The following FRAS1 variants were observed in gnomAD, a reference collection of about 807,000 sequenced individuals.
FRAS1 encodes the protein extracellular matrix organizing protein FRAS1.
In FRAS1, 290 loss-of-function variants were observed where a neutral mutation model predicts 435.2. That is an observed-to-expected ratio of 0.67 (90% CI 0.61 to 0.73). FRAS1 has a LOEUF of 0.73. Ranked by LOEUF, FRAS1 falls within the 30% of genes least tolerant of loss-of-function variation. The probability of loss-of-function intolerance (pLI) is 0.00; values close to 1 mark genes in which losing one functional copy is unlikely to be tolerated. For missense variants in FRAS1, 4,860 were observed against 5,001.5 expected (o/e 0.97, Z 0.85); for synonymous variants, 1,800 against 1,851.0 (o/e 0.97, Z 0.71).
At chr4:78,249,043 C>CTGATATATATATATATATATATATATA (rs1352031337) in intron 4 of FRAS1, among the ~76,000 whole-genome samples, 1 of 19,860 alleles carries the variant, frequency 5.0e-5, no homozygotes, top group African/African-American at 1.1e-4. Flanking sequence ...GTATGAAGAA[C>CTGATATATATATATATATATATATATA]TACTGATATA....
intron 33 of FRAS1, among the ~76,000 whole-genome samples, chr4:78,420,373 T>C (rs540199156): frequency 1.3e-5 from 2 of 149,536 alleles, no homozygotes; most frequent in Middle Eastern, 6.9e-3. Context: ...CTGGGCTGTC[T>C]TCTGGAGAAT....
intron 15 of FRAS1, among the ~76,000 whole-genome samples, chr4:78,310,890 A>C (rs1456839561): frequency 6.6e-6 from 1 of 152,224 alleles, no homozygotes; most frequent in African/African-American, 2.4e-5. Flanking sequence ...TATCTGTAGA[A>C]ATCTCAAAGT....
intron 2 of FRAS1, among the ~76,000 whole-genome samples, chr4:78,214,257 T>C (rs759099896): frequency 1.3e-5 from 2 of 152,260 alleles, no homozygotes; most frequent in Non-Finnish European, 2.9e-5. Context: ...TAAATCTTCT[T>C]GCTTAACTTG....
chr4:78,356,448 A>G (rs896030236), intron 20 of FRAS1, among the ~76,000 whole-genome samples: 3 of 152,138 alleles, frequency 2.0e-5, no homozygotes, highest in Admixed American at 1.3e-4. Flanking sequence ...AGAACTGACC[A>G]TGAGTGAAAA....
chr4:78,450,215 G>A lies in FRAS1; in HGVS notation c.6339G>A (p.Gln2113=). Residue 2113 remains glutamine (Q), a synonymous_variant, in exon 45 of 74, where the codon CAG becomes CAA. Coordinates refer to ENST00000512123, the MANE Select transcript of FRAS1 (RefSeq NM_025074.7). ...CAGATATTGACTCAGATGACCATCA[G>A]GTTATGTACATCATGAAGGAAGATC... ...KVTDIDSDDH[Q]VMYIMKEDPG... 1.2e-6 allele frequency: 2 copies of A among 1,613,702 alleles called. No individual in the cohort carries two copies. Among genetic ancestry groups the A allele is most frequent in the Non-Finnish European group, 1.7e-6 (2 of 1,179,684 alleles).
At chr4:78,371,083 G>GGTTTT (rs1456015210) in intron 23 of FRAS1, among the ~76,000 whole-genome samples, 1,535 of 126,906 alleles carry the variant, frequency 0.012, 25 homozygotes, top group East Asian at 0.034. Flanking sequence ...TTTTTTTTCT[G>GGTTTT]TTTTTTTGTT....
chr4:78,501,759 C>G (rs573801454), intron 61 of FRAS1, among the ~76,000 whole-genome samples: 1 of 152,288 alleles, frequency 6.6e-6, no homozygotes, highest in South Asian at 2.1e-4. Context: ...GCTTTTGTTG[C>G]CATTGCTTTT....
At chr4:78,308,418 G>A (rs188061202) in intron 15 of FRAS1, among the ~76,000 whole-genome samples, 7 of 152,280 alleles carry the variant, frequency 4.6e-5, no homozygotes, top group Admixed American at 4.6e-4. Context: ...GCTAGGGTTG[G>A]GGTGCTCATT....
chr4:78,503,709 T>C (rs1263663866), intron 61 of FRAS1, among the ~76,000 whole-genome samples: 1 of 152,238 alleles, frequency 6.6e-6, no homozygotes, highest in African/African-American at 2.4e-5. Context: ...TGTGTCTCTA[T>C]CTCCTCCAGT....
chr4:78,481,922 C>G lies in FRAS1; in HGVS notation c.8562C>G (p.Pro2854=), dbSNP rs1380409525. The change falls in exon 57 of 74, where the codon CCC becomes CCG. Residue 2854 remains proline (P), a synonymous_variant. Coordinates refer to ENST00000512123, the MANE Select transcript of FRAS1 (RefSeq NM_025074.7). ...CCACACCAGGAGTTGACTACGTTCC[C>G]AGCTCTCGGAAGGTGGAATTTGGGC... The part of the protein sequence containing the change: ...ASATPGVDYV[P]SSRKVEFGPG... 1 of 1,613,752 alleles carries G rather than the reference C, an allele frequency of 6.2e-7. No homozygotes were observed. The highest frequency in any genetic ancestry group is 1.3e-5 in the African/African-American group (1 of 74,908).
rs927607910 is a variant in FRAS1, at chr4:78,525,802, A to G, written c.10809-739A>G. ...GCTGCCACCCAGTGAGAAGTGTGGG[A>G]GACGAAATAGGAGAGAGGTCCAAAG... On this transcript the variant is annotated intron_variant, in intron 69 of 73. Transcript: ENST00000512123. Among the ~76,000 whole-genome samples, 4 of 152,200 alleles carry G rather than the reference A, an allele frequency of 2.6e-5. No individual in the cohort carries two copies. The South Asian group carries it at 6.2e-4, about 24-fold the overall frequency.
intron 58 of FRAS1, among the ~76,000 whole-genome samples, chr4:78,487,716 T>G (rs1252765550): frequency 6.6e-6 from 1 of 152,188 alleles, no homozygotes; most frequent in Non-Finnish European, 1.5e-5. Context: ...GTTCTCACTA[T>G]AAACCAGATA....
chr4:78,426,581 T>C lies in FRAS1; in HGVS notation c.4711+2161T>C, dbSNP rs558925682. On this transcript the variant is annotated intron_variant, in intron 35 of 73. Transcript: ENST00000512123. The stretch of plus-strand genomic sequence containing the variant: ...GTAGAATGAAGGAGAACCACCCATT[T>C]TGGTGAATCAGCTAAGATGAGAAGG... Among the ~76,000 whole-genome samples, 9 of 152,340 alleles carry C rather than the reference T, an allele frequency of 5.9e-5. No individual in the cohort carries two copies. The South Asian group carries it at 8.3e-4, about 14-fold the overall frequency.
At chr4:78,142,368 A>G (rs1260576055) in intron 2 of FRAS1, among the ~76,000 whole-genome samples, 5 of 151,970 alleles carry the variant, frequency 3.3e-5, no homozygotes, top group African/African-American at 9.7e-5. Context: ...CTGGAGGAAA[A>G]TAGCATCATC....
chr4:78,234,523 C>T (rs1321495018), intron 2 of FRAS1, among the ~76,000 whole-genome samples: 2 of 152,226 alleles, frequency 1.3e-5, no homozygotes, highest in Non-Finnish European at 2.9e-5. Flanking sequence ...CCGCACCTGG[C>T]CTTTTCCTCA....
chr4:78,325,239 T>C lies in FRAS1; in HGVS notation c.2137+6253T>C, dbSNP rs181180889. On this transcript the variant is annotated intron_variant, in intron 18 of 73. Transcript: ENST00000512123. ...ACAGAGCAAAATTGCACAAAATTGC[T>C]ACAGGTTTAGTATCAGTTTTTAAAA... 2.0e-5 allele frequency among the ~76,000 whole-genome samples: 3 copies of C among 152,338 alleles called. No homozygotes were observed. The East Asian group carries it at 5.8e-4, about 29-fold the overall frequency.
chr4:78,307,711 G>A (rs535353035), intron 14 of FRAS1, among the ~76,000 whole-genome samples: 4 of 152,318 alleles, frequency 2.6e-5, no homozygotes, highest in South Asian at 2.1e-4. Context: ...GCCCTGCTTC[G>A]GCTGGCGCAT....
At position 78,097,022 on chromosome 4, in the gene FRAS1, A is replaced by C. The variant is rs113101198; in HGVS notation, c.108+31006A>C. ...TATAAAACTGAATGCCTTTAACAGC[A>C]CCCAACTCACATCTTTAATGCTTTG... On this transcript the variant is annotated intron_variant, in intron 2 of 73. Transcript: ENST00000512123. Among the ~76,000 whole-genome samples the C allele has an allele frequency of 5.3e-4, 81 of 152,314 alleles. 3 individuals carry two copies. The highest frequency in any genetic ancestry group is 1.9e-3 in the African/African-American group (78 of 41,564).
intron 14 of FRAS1, among the ~76,000 whole-genome samples, chr4:78,294,914 TAACTCA>T (rs1728079097): frequency 6.6e-6 from 1 of 152,226 alleles, no homozygotes; most frequent in Non-Finnish European, 1.5e-5. Context: ...CTAAAATTTC[TAACTCA>T]AACTCCCCTA....
Sources: gnomAD v4.1 joint callset for allele counts (sites outside exome capture counted in the v4.1 genomes callset) on GRCh38, gnomAD v4.1.1 for gene constraint, MANE v1.5 for transcripts, NCBI Gene and HGNC (gene_info 2026-07-23, HGNC 2026-07-21) for gene names.